ERCC6L2: variants seen among roughly 807,000 people sequenced by gnomAD.
The protein encoded by ERCC6L2 is DNA excision repair protein ERCC-6-like 2.
A neutral mutation model predicts 132.0 loss-of-function variants in ERCC6L2; 77 were observed. The observed-to-expected ratio is 0.58, with a 90% CI of 0.49 to 0.71. The LOEUF (loss-of-function observed/expected upper bound fraction) is 0.71. ERCC6L2 is among the 30% of genes least tolerant of loss of function. ERCC6L2 has a pLI of 0.00. For synonymous variants in ERCC6L2, 583 were observed against 632.4 expected (o/e 0.92, Z 1.17); for missense variants, 1,542 against 1,837.6 (o/e 0.84, Z 2.94).
At position 96,016,311 on chromosome 9, in the gene ERCC6L2, A is replaced by G. The variant is rs1216888388; in HGVS notation, c.*3108A>G. Among the ~76,000 whole-genome samples the G allele has an allele frequency of 6.6e-6, 1 of 152,246 alleles. No individual in the cohort carries two copies. Among genetic ancestry groups the G allele is most frequent in the Non-Finnish European group, 1.5e-5 (1 of 68,046 alleles). On this transcript the variant is annotated 3_prime_UTR_variant, in exon 19 of 19. Transcript: ENST00000653738. ...CTTCAAGCAACACCACTGTGGCTCC[A>G]TGGAGCACTAATTTGAAAACCACAG...
At chr9:95,993,403 C>T (rs1833367174) in intron 17 of ERCC6L2, among the ~76,000 whole-genome samples, 2 of 152,220 alleles carry the variant, frequency 1.3e-5, no homozygotes, top group Admixed American at 1.3e-4. Flanking sequence ...TGCACATCTG[C>T]AAGCTTTGGT....
rs1485450311 is a variant in ERCC6L2 at position 95,915,795 on chromosome 9, A to G, written c.916A>G (p.Asn306Asp). The G allele has an allele frequency of 1.2e-6, 2 of 1,613,162 alleles. No homozygotes were observed. The highest frequency in any genetic ancestry group is 2.2e-5 in the East Asian group (1 of 44,848). ...TGGCCTCACTGGAACCATCCTTCAG[A>G]ACAACATGAAGGAACTGTGGTGTGT... ...RIGLTGTILQ[N>D]NMKELWCVMD... Residue 306 changes from asparagine (N) to aspartate (D), a missense_variant, in exon 5 of 19, where the codon AAC becomes GAC. Physicochemically the swap from Asn to Asp is conservative, Grantham distance 23. Around this residue, in one of 4 missense-constraint regions of ERCC6L2, gnomAD observed 945 missense variants for 1,105.2 expected, o/e 0.86. Transcript: ENST00000653738.
intron 8 of ERCC6L2, 72 bp downstream of exon 8, chr9:95,922,490 TTAAA>T (rs1829916850): frequency 2.3e-6 from 2 of 878,320 alleles, no homozygotes; most frequent in Non-Finnish European, 3.5e-6. Context: ...AAAATAGTTA[TTAAA>T]TAAAGTTTTT....
intron 19 of ERCC6L2, among the ~76,000 whole-genome samples, chr9:96,035,511 A>G (rs1373114180): frequency 6.6e-6 from 1 of 151,960 alleles, no homozygotes; most frequent in Non-Finnish European, 1.5e-5. Context: ...AGCTTCAGAG[A>G]TCTGCAGAGA....
chr9:96,027,388 G>T (rs1217487329), intron 19 of ERCC6L2, among the ~76,000 whole-genome samples: 1 of 152,086 alleles, frequency 6.6e-6, no homozygotes, highest in Non-Finnish European at 1.5e-5. Context: ...CAGGCCCCGC[G>T]GGCTGCGGGA....
chr9:96,010,541 C>G (rs1833993164), intron 18 of ERCC6L2, among the ~76,000 whole-genome samples: 1 of 152,170 alleles, frequency 6.6e-6, no homozygotes, highest in Admixed American at 6.5e-5. Flanking sequence ...TCTCCTGCCC[C>G]TCTGTGAACC....
In ERCC6L2 at chr9:95,906,764, T is replaced by C. The variant is rs190949223; in HGVS notation, c.595-314T>C. On this transcript the variant is annotated intron_variant, in intron 3 of 18. Transcript: ENST00000653738. The stretch of plus-strand genomic sequence containing the variant: ...AGCTATTACTGGGATCCAGATTTTA[T>C]TCTTTTCTCTCTTTTGGAAAGTTAC... The C allele has an allele frequency of 3.0e-3, 1,396 of 468,770 alleles. 24 individuals are homozygous for C. Among genetic ancestry groups the C allele is most frequent in the Non-Finnish European group, 1.4e-3 (330 of 240,510 alleles). 29.0% of individuals were successfully genotyped at this position (468,770 alleles called of 1,614,324 possible).
At chr9:95,960,099 G>T (rs1476499570) in intron 13 of ERCC6L2, among the ~76,000 whole-genome samples, 1 of 152,052 alleles carries the variant, frequency 6.6e-6, no homozygotes, top group African/African-American at 2.4e-5. Context: ...AGAACAATAA[G>T]TAGAAGTACT....
intron 13 of ERCC6L2, among the ~76,000 whole-genome samples, chr9:95,957,544 C>T (rs1831669879): frequency 6.6e-6 from 1 of 151,848 alleles, no homozygotes; most frequent in Non-Finnish European, 1.5e-5. Flanking sequence ...AGACTACTCT[C>T]AAGTAAGAGT....
chr9:96,016,853 C>T lies in ERCC6L2; in HGVS notation c.*3650C>T, dbSNP rs1377254219. Among the ~76,000 whole-genome samples the T allele has an allele frequency of 6.6e-6, 1 of 152,154 alleles. No individual in the cohort carries two copies. The highest frequency in any genetic ancestry group is 1.5e-5 in the Non-Finnish European group (1 of 68,030). On this transcript the variant is annotated 3_prime_UTR_variant, in exon 19 of 19. Transcript: ENST00000653738. ...TCCCAGAAGTTTTATTTGACACTTA[C>T]TGGTCTATAAAATCCAAAGGAATGG...
At chr9:95,991,306 G>T (rs1322944859) in intron 17 of ERCC6L2, among the ~76,000 whole-genome samples, 1 of 152,060 alleles carries the variant, frequency 6.6e-6, no homozygotes, top group East Asian at 1.9e-4. Flanking sequence ...GCAGGAAAAA[G>T]AAACTGCTTT....
At chr9:95,973,815 T>C (rs1485444747) in intron 16 of ERCC6L2, among the ~76,000 whole-genome samples, 2 of 152,172 alleles carry the variant, frequency 1.3e-5, no homozygotes, top group Non-Finnish European at 2.9e-5. Context: ...GTAAAAATAT[T>C]ATATAGTCTT....
chr9:95,989,117 C>T (rs566662237), intron 17 of ERCC6L2, among the ~76,000 whole-genome samples: 1 of 152,330 alleles, frequency 6.6e-6, no homozygotes, highest in Non-Finnish European at 1.5e-5. Flanking sequence ...TCCACCTTCT[C>T]AGCTATCCAG....
intron 4 of ERCC6L2, among the ~76,000 whole-genome samples, chr9:95,907,946 A>G (rs1405594153): frequency 6.6e-6 from 1 of 151,904 alleles, no homozygotes; most frequent in Non-Finnish European, 1.5e-5. Context: ...AAAAGATTAT[A>G]GAGAGTATTG....
Position 96,012,367 on chromosome 9 carries a change from T to C in ERCC6L2, c.3817T>C (p.Phe1273Leu), listed in dbSNP as rs1286093449. Reference protein sequence around the residue: ...YASQYPEVKEFFVDSVSQFNN... With the variant: ...YASQYPEVKELFVDSVSQFNN... ...TTCTCAATATCCAGAGGTAAAAGAA[T>C]TTTTTGTGGATTCTGTGTCACAATT... Residue 1273 changes from phenylalanine to leucine, a missense_variant, in exon 19 of 19, where the codon TTT becomes CTT. Coordinates refer to ENST00000653738, the MANE Select transcript of ERCC6L2 (RefSeq NM_020207.7). The C allele has an allele frequency of 1.5e-6, 2 of 1,362,638 alleles. No homozygotes were observed. Among genetic ancestry groups the C allele is most frequent in the Admixed American group, 3.8e-5 (2 of 52,426 alleles). 84.4% of individuals were successfully genotyped at this position (1,362,638 alleles called of 1,614,324 possible).
At chr9:95,904,533 A>G (rs1166988363) in intron 3 of ERCC6L2, among the ~76,000 whole-genome samples, 1 of 152,162 alleles carries the variant, frequency 6.6e-6, no homozygotes, top group African/African-American at 2.4e-5. Flanking sequence ...TTACTTTGCT[A>G]CTTAATAGCA....
At position 95,897,846 on chromosome 9, in the gene ERCC6L2, C is replaced by T; in HGVS notation, c.472-3C>T. The stretch of plus-strand genomic sequence containing the variant: ...AGTGATTGAAAAAGTCTTTTTTCCC[C>T]AGGTTATTTCATTTCTGGCTGCAGT... On this transcript the variant is annotated splice_polypyrimidine_tract_variant and splice_region_variant and intron_variant, in intron 2 of 18. Transcript: ENST00000653738. The T allele has an allele frequency of 1.2e-6, 2 of 1,610,934 alleles. No homozygotes were observed. Among genetic ancestry groups the T allele is most frequent in the Non-Finnish European group, 8.5e-7 (1 of 1,178,878 alleles).
chr9:95,912,387 G>A (rs1829382562), intron 4 of ERCC6L2, among the ~76,000 whole-genome samples: 1 of 152,086 alleles, frequency 6.6e-6, no homozygotes, highest in African/African-American at 2.4e-5. Flanking sequence ...TTGTGTGTGT[G>A]TGTGTATGTA....
chr9:95,960,394 C>T (rs1831845874), intron 13 of ERCC6L2, among the ~76,000 whole-genome samples: 1 of 152,122 alleles, frequency 6.6e-6, no homozygotes, highest in Admixed American at 6.6e-5. Context: ...GTAAATGGTA[C>T]TTTATATGGA....
Sources: gnomAD v4.1 joint callset for allele counts (sites outside exome capture counted in the v4.1 genomes callset) on GRCh38, gnomAD v4.1.1 for gene constraint, gnomAD v4.1.1 regional missense constraint, MANE v1.5 for transcripts, NCBI Gene and HGNC (gene_info 2026-07-23, HGNC 2026-07-21) for gene names.